The following AKAP6 variants were observed in gnomAD, a reference collection of about 807,000 sequenced individuals.
AKAP6 encodes A-kinase anchor protein 6.
Under a neutral mutation model 188.5 loss-of-function variants are expected in AKAP6, and 58 were observed. The ratio of observed to expected loss-of-function variants is 0.31; its 90% CI spans 0.25 to 0.38. The LOEUF (loss-of-function observed/expected upper bound fraction) is 0.38. Ranked by LOEUF, AKAP6 falls within the 10% of genes least tolerant of loss-of-function variation. The pLI is 1.00. For missense variants in AKAP6, 2,710 were observed against 2,740.0 expected, an observed-to-expected ratio of 0.99 and a Z score of 0.24; for synonymous variants, 989 against 998.6, an observed-to-expected ratio of 0.99 and a Z score of 0.18.
Position 32,567,378 on chromosome 14 carries a change from A to G in AKAP6, c.2347-9742A>G, listed in dbSNP as rs920335682. On this transcript the variant is annotated intron_variant, in intron 4 of 13. Transcript: ENST00000280979. ...CCCCTTTCCAAACAGATGTGTTTAG[A>G]TAATACTGTTTTCTGTCTTCTTGGC... is the stretch of plus-strand genomic sequence containing the variant. 4.6e-5 allele frequency among the ~76,000 whole-genome samples: 7 copies of G among 152,084 alleles called. No individual in the cohort carries two copies. In the East Asian group the frequency reaches 1.2e-3, roughly 25 times the overall value.
In AKAP6 at chr14:32,831,405, G is replaced by A. The variant is rs957466444; in HGVS notation, c.*1600G>A. ...CCCTTTATTTTGACACTAAAACATG[G>A]ACACAACTAGAAAGAGGTACAATGC... On this transcript the variant is annotated 3_prime_UTR_variant, in exon 14 of 14. Transcript: ENST00000280979. The A allele has an allele frequency of 2.0e-5, 3 of 152,086 alleles. No individual in the cohort carries two copies. The highest frequency in any genetic ancestry group is 6.6e-5 in the Admixed American group (1 of 15,256). 9.4% of individuals were successfully genotyped at this position (152,086 alleles called of 1,614,324 possible).
chr14:32,433,322 C>T, intron 1 of AKAP6, 138 bp from the exon 2 acceptor site: 3 of 639,222 alleles, frequency 4.7e-6, no homozygotes, highest in Non-Finnish European at 7.9e-6. Flanking sequence ...ACACCTCTTT[C>T]TGTTTTTGTT....
At chr14:32,461,708 A>G (rs1477711077) in intron 2 of AKAP6, among the ~76,000 whole-genome samples, 1 of 152,124 alleles carries the variant, frequency 6.6e-6, no homozygotes, top group Non-Finnish European at 1.5e-5. Context: ...GAGCAAGGGC[A>G]CAAAACTAAA....
intron 2 of AKAP6, among the ~76,000 whole-genome samples, chr14:32,510,455 TATATGTGTATATATATATATAC>T (rs1566546854): frequency 2.1e-4 from 18 of 86,662 alleles, no homozygotes; most frequent in African/African-American, 7.2e-4. Context: ...TATATACATA[TATATGTGTATATATATATATAC>T]ATATATATAT....
chr14:32,377,955 C>G (rs1190646862), intron 1 of AKAP6, among the ~76,000 whole-genome samples: 1 of 151,960 alleles, frequency 6.6e-6, no homozygotes, highest in Non-Finnish European at 1.5e-5. Flanking sequence ...GAAAATTATG[C>G]AGAGAGGCAG....
chr14:32,621,309 TTTA>T (rs753529468), intron 7 of AKAP6, among the ~76,000 whole-genome samples: 18 of 152,134 alleles, frequency 1.2e-4, no homozygotes, highest in Non-Finnish European at 1.8e-4. Flanking sequence ...GATGTAGGCA[TTTA>T]GTGCTATGAG....
chr14:32,665,523 C>T (rs1438873214), intron 7 of AKAP6, among the ~76,000 whole-genome samples: 2 of 152,152 alleles, frequency 1.3e-5, no homozygotes, highest in Non-Finnish European at 2.9e-5. Flanking sequence ...CCTCCAGTAA[C>T]CTCCATGTGT....
At chr14:32,511,069 C>T (rs1011974340) in intron 2 of AKAP6, among the ~76,000 whole-genome samples, 1 of 152,168 alleles carries the variant, frequency 6.6e-6, no homozygotes, top group African/African-American at 2.4e-5. Context: ...ATCCTTGATA[C>T]AGTGTAAGTG....
intron 1 of AKAP6, among the ~76,000 whole-genome samples, chr14:32,341,454 G>A (rs7146944): frequency 0.28 from 43,104 of 152,018 alleles, 7,070 homozygotes; most frequent in East Asian, 0.48. Flanking sequence ...CATTATCATA[G>A]CAATGTTAGT....
intron 2 of AKAP6, among the ~76,000 whole-genome samples, chr14:32,435,374 A>G (rs1225602447): frequency 1.3e-5 from 2 of 152,246 alleles, no homozygotes; most frequent in African/African-American, 2.4e-5. Flanking sequence ...TAATGAGTCA[A>G]TTAACTTTAT....
chr14:32,560,150 G>A (rs1883887745), intron 4 of AKAP6, among the ~76,000 whole-genome samples: 1 of 152,120 alleles, frequency 6.6e-6, no homozygotes, highest in Non-Finnish European at 1.5e-5. Flanking sequence ...CCCAAATCCA[G>A]TTTGGGAATT....
At chr14:32,612,201 G>A (rs1259669450) in intron 7 of AKAP6, among the ~76,000 whole-genome samples, 1 of 152,080 alleles carries the variant, frequency 6.6e-6, no homozygotes, top group Non-Finnish European at 1.5e-5. Context: ...TAAAACACCA[G>A]TTTCATCGTG....
chr14:32,822,302 C>G lies in AKAP6; in HGVS notation c.4489C>G (p.Pro1497Ala). 1 of 1,613,880 alleles carries G rather than the reference C, an allele frequency of 6.2e-7. No homozygotes were observed. Among genetic ancestry groups the G allele is most frequent in the Non-Finnish European group, 8.5e-7 (1 of 1,179,918 alleles). ...AAGCGAAAAAGCGCATGTGGAGGAT[C>G]CCCTGCTTCGTGGTTTTTATTTTGA... ...SQSEKAHVEDPLLRGFYFDKK... is the reference protein window; with the variant it reads ...SQSEKAHVEDALLRGFYFDKK... Residue 1497 changes from proline (P) to alanine (A), a missense_variant, in exon 13 of 14, where the codon CCC becomes GCC. Transcript: ENST00000280979.
At chr14:32,827,140 C>T (rs1481253076) in intron 13 of AKAP6, among the ~76,000 whole-genome samples, 1 of 152,050 alleles carries the variant, frequency 6.6e-6, no homozygotes, top group East Asian at 1.9e-4. Flanking sequence ...GTTGACATGC[C>T]TTCAGTATTT....
chr14:32,626,804 C>T (rs373763594), intron 7 of AKAP6, among the ~76,000 whole-genome samples: 5 of 152,238 alleles, frequency 3.3e-5, no homozygotes, highest in East Asian at 3.9e-4. Flanking sequence ...TGGTTTCTCA[C>T]ATATGTCATC....
intron 11 of AKAP6, among the ~76,000 whole-genome samples, chr14:32,758,774 C>G (rs1158974960): frequency 2.6e-5 from 4 of 152,034 alleles, no homozygotes; most frequent in Non-Finnish European, 5.9e-5. Context: ...ACAGGGGCTA[C>G]TATGATTAAT....
In AKAP6 at chr14:32,828,537, A is replaced by T. The variant is rs879755998; in HGVS notation, c.*43-1311A>T. 3.8e-3 allele frequency among the ~76,000 whole-genome samples: 246 copies of T among 64,944 alleles called. 1 individual carries two copies. In the South Asian group the frequency reaches 0.045, roughly 12 times the overall value. The allele number at this position is 64,944 out of a possible 152,430, so 42.6% of individuals were successfully genotyped here. On this transcript the variant is annotated intron_variant, in intron 13 of 13. Coordinates refer to ENST00000280979, the MANE Select transcript of AKAP6 (RefSeq NM_004274.5). ...CTCTCTCTCTCTCTCTCTCACACACACACACACACACACACACACACACAC... is the reference window on the plus strand; with the variant it reads ...CTCTCTCTCTCTCTCTCTCACACACTCACACACACACACACACACACACAC...
intron 11 of AKAP6, among the ~76,000 whole-genome samples, chr14:32,770,584 C>T (rs891906631): frequency 6.6e-6 from 1 of 152,188 alleles, no homozygotes; most frequent in African/African-American, 2.4e-5. Flanking sequence ...ACACACCAGG[C>T]ACTCCCACTG....
intron 7 of AKAP6, among the ~76,000 whole-genome samples, chr14:32,665,466 A>G (rs1247926085): frequency 1.3e-5 from 2 of 152,104 alleles, no homozygotes; most frequent in African/African-American, 4.8e-5. Context: ...AGGGCGAGAA[A>G]TAGGGTAAGG....
Sources: gnomAD v4.1 joint callset for allele counts (sites outside exome capture counted in the v4.1 genomes callset) on GRCh38, gnomAD v4.1.1 for gene constraint, MANE v1.5 for transcripts, NCBI Gene and HGNC (gene_info 2026-07-23, HGNC 2026-07-21) for gene names.